KIAA2012: variants seen among roughly 807,000 people sequenced by gnomAD.
KIAA2012 encodes the protein uncharacterized protein KIAA2012.
A neutral mutation model predicts 150.6 loss-of-function variants in KIAA2012; 125 were observed. The observed-to-expected ratio is 0.83, with a 90% CI of 0.72 to 0.96. KIAA2012 has a LOEUF of 0.96. Ranked by LOEUF, KIAA2012 falls within the 40% of genes least tolerant of loss-of-function variation. The pLI, the probability that KIAA2012 is intolerant of heterozygous loss-of-function variation, is 0.00. For synonymous variants in KIAA2012, 462 were observed against 504.7 expected (o/e 0.92, Z 1.13); for missense variants, 1,219 against 1,354.9 (o/e 0.90, Z 1.57).
chr2:202,186,284 T>C (rs1454594781), intron 16 of KIAA2012, among the ~76,000 whole-genome samples: 1 of 151,932 alleles, frequency 6.6e-6, no homozygotes, highest in East Asian at 1.9e-4. Context: ...AGGCTGAGGC[T>C]GGTGGATCAT....
At chr2:202,144,082 A>C (rs1213858926) in intron 13 of KIAA2012, among the ~76,000 whole-genome samples, 3 of 152,238 alleles carry the variant, frequency 2.0e-5, no homozygotes, top group Admixed American at 6.5e-5. Flanking sequence ...AATAAGAAAG[A>C]AAGCATCTCA....
intron 19 of KIAA2012, among the ~76,000 whole-genome samples, chr2:202,192,015 G>T (rs1692333149): frequency 6.6e-6 from 1 of 152,116 alleles, no homozygotes; most frequent in Admixed American, 6.6e-5. Flanking sequence ...CTTATTTTAT[G>T]GCTCATGGTC....
intron 10 of KIAA2012, among the ~76,000 whole-genome samples, chr2:202,110,774 C>G (rs1270938246): frequency 6.6e-6 from 1 of 151,788 alleles, no homozygotes; most frequent in African/African-American, 2.4e-5. Flanking sequence ...CTCACTTGCT[C>G]TCTGTCTCCC....
At chr2:202,163,162 G>C (rs1233846855) in intron 14 of KIAA2012, among the ~76,000 whole-genome samples, 6 of 142,734 alleles carry the variant, frequency 4.2e-5, no homozygotes, top group Admixed American at 1.4e-4. Context: ...GGAGTGCGGT[G>C]GTGCGATCTC....
intron 13 of KIAA2012, among the ~76,000 whole-genome samples, chr2:202,140,990 A>T (rs988145685): frequency 6.6e-6 from 1 of 152,186 alleles, no homozygotes; most frequent in African/African-American, 2.4e-5. Context: ...AAAGGTGGAT[A>T]TTCTGGTATT....
At chr2:202,114,966 C>T (rs1690478197) in intron 11 of KIAA2012, 1 of 167,390 alleles carries the variant, frequency 6.0e-6, no homozygotes, top group African/African-American at 2.4e-5. Flanking sequence ...GTTGGTTGAC[C>T]TTCAGTCTTG....
intron 8 of KIAA2012, among the ~76,000 whole-genome samples, chr2:202,103,628 T>C (rs1690108262): frequency 6.6e-6 from 1 of 152,214 alleles, no homozygotes; most frequent in African/African-American, 2.4e-5. Context: ...ACCTCCATTT[T>C]ATAAAAGAAA....
At chr2:202,204,647 C>A (rs1692604443) in intron 23 of KIAA2012, among the ~76,000 whole-genome samples, 1 of 152,146 alleles carries the variant, frequency 6.6e-6, no homozygotes, top group Admixed American at 6.6e-5. Flanking sequence ...GAAATTACAC[C>A]TTTACAACCC....
intron 11 of KIAA2012, chr2:202,116,203 C>G (rs1234619380): frequency 3.9e-5 from 6 of 152,208 alleles, no homozygotes; most frequent in Admixed American, 3.9e-4. Context: ...TCAGGTTGGG[C>G]ATCAAGTCCC....
intron 14 of KIAA2012, among the ~76,000 whole-genome samples, chr2:202,156,742 G>A (rs772289064): frequency 6.6e-5 from 10 of 152,050 alleles, no homozygotes; most frequent in Non-Finnish European, 1.2e-4. Flanking sequence ...AAAATTAGCC[G>A]GGTGTGGTGG....
At chr2:202,192,098 C>T (rs139517327) in intron 19 of KIAA2012, among the ~76,000 whole-genome samples, 6,377 of 152,268 alleles carry the variant, frequency 0.042, 198 homozygotes, top group Non-Finnish European at 0.061. Context: ...TCACACAATT[C>T]GGCTCTGCAC....
At chr2:202,152,075 C>T (rs1421133902) in intron 13 of KIAA2012, among the ~76,000 whole-genome samples, 1 of 152,148 alleles carries the variant, frequency 6.6e-6, no homozygotes, top group Non-Finnish European at 1.5e-5. Flanking sequence ...TAGCATGCGA[C>T]TTTCTTTCCT....
At chr2:202,125,313 C>T in intron 12 of KIAA2012, 31 bp downstream of exon 12, 1 of 1,489,078 alleles carries the variant, frequency 6.7e-7, no homozygotes, top group Non-Finnish European at 9.2e-7. Context: ...GTCACCTCGA[C>T]TTCTCTATGT....
intron 2 of KIAA2012, among the ~76,000 whole-genome samples, chr2:202,082,500 G>A (rs1028953362): frequency 3.9e-5 from 6 of 152,098 alleles, no homozygotes; most frequent in South Asian, 4.2e-4. Flanking sequence ...GGAGGCTAAG[G>A]CAGGAGAATT....
At chr2:202,201,357 G>C (rs140140128) in intron 22 of KIAA2012, 6 of 1,584,280 alleles carry the variant, frequency 3.8e-6, no homozygotes, top group Admixed American at 1.7e-5. Flanking sequence ...TGTCTTTCCC[G>C]GCACAAAGGT....
At chr2:202,179,124 G>C (rs1185148665) in intron 15 of KIAA2012, 1 of 437,942 alleles carries the variant, frequency 2.3e-6, no homozygotes, top group East Asian at 5.3e-5. Flanking sequence ...TTTGTGTTTT[G>C]AGGTTGGTTT....
intron 11 of KIAA2012, chr2:202,116,276 T>A (rs1184664786): frequency 6.6e-6 from 1 of 152,158 alleles, no homozygotes; most frequent in Non-Finnish European, 1.5e-5. Context: ...TTGTTCTAAA[T>A]GGATTTTTAC....
intron 2 of KIAA2012, among the ~76,000 whole-genome samples, chr2:202,083,253 T>TA (rs1400626905): frequency 6.6e-6 from 1 of 152,192 alleles, no homozygotes; most frequent in East Asian, 1.9e-4. Context: ...TCCCAAAAAT[T>TA]AAACCTGCAG....
intron 23 of KIAA2012, among the ~76,000 whole-genome samples, chr2:202,204,464 A>C (rs1282116561): frequency 6.6e-6 from 1 of 152,236 alleles, no homozygotes; most frequent in Admixed American, 6.5e-5. Context: ...TATTTTTAGC[A>C]TACAAGTTAT....
Sources: allele counts gnomAD v4.1 joint callset (sites outside exome capture counted in the v4.1 genomes callset), GRCh38; gene constraint gnomAD v4.1.1; transcripts MANE v1.5; gene names NCBI Gene and HGNC (gene_info 2026-07-23, HGNC 2026-07-21).